The following CD4 variants were observed in gnomAD, a reference collection of about 807,000 sequenced individuals.
CD4 encodes the protein CD4 molecule.
In CD4, 25 loss-of-function variants were observed where a neutral mutation model predicts 50.5. The observed-to-expected ratio is 0.49, with a 90% CI of 0.36 to 0.69. The LOEUF is 0.69. Ranked by LOEUF, CD4 falls within the 30% of genes least tolerant of loss-of-function variation. The pLI, the probability that CD4 is intolerant of heterozygous loss-of-function variation, is 0.00. For missense variants in CD4, 456 were observed against 548.5 expected (o/e 0.83, Z 1.68); for synonymous variants, 207 against 221.9 (o/e 0.93, Z 0.60).
intron 3 of CD4, among the ~76,000 whole-genome samples, chr12:6,809,219 A>T (rs1196556397): frequency 6.6e-6 from 1 of 152,106 alleles, no homozygotes; most frequent in Non-Finnish European, 1.5e-5. Context: ...TGGGCCGGGC[A>T]TGATGTCTGC....
chr12:6,793,696 CTATCTAT>C (rs1565488214), intron 1 of CD4, among the ~76,000 whole-genome samples: 13 of 33,406 alleles, frequency 3.9e-4, no homozygotes, highest in South Asian at 1.5e-3. Context: ...ATCTATCTAT[CTATCTAT>C]CTTTTTTTTT....
intron 3 of CD4, among the ~76,000 whole-genome samples, chr12:6,802,541 C>T (rs2857228): frequency 0.56 from 84,814 of 151,824 alleles, 23,917 homozygotes; most frequent in Middle Eastern, 0.67. Flanking sequence ...TTCCTAGGCT[C>T]AAGTGATCTT....
At chr12:6,807,810 G>C (rs782446714) in intron 3 of CD4, among the ~76,000 whole-genome samples, 1 of 152,258 alleles carries the variant, frequency 6.6e-6, no homozygotes, top group African/African-American at 2.4e-5. Context: ...GCTAGGCGTG[G>C]TGGCTCACAT....
rs199874497 is a variant in CD4, at chr12:6,817,113, C to T, written c.956-17C>T. On this transcript the variant is annotated splice_polypyrimidine_tract_variant and intron_variant, in intron 6 of 9. Transcript: ENST00000011653. The stretch of plus-strand genomic sequence containing the variant: ...TGAATCTCAGGCCTTTGATCTCAGC[C>T]TCTCGTTCCTCTGCAGCCACTCAGC... The T allele has an allele frequency of 1.8e-4, 283 of 1,609,348 alleles. 2 individuals carry two copies. The Middle Eastern group carries it at 4.8e-3, about 27-fold the overall frequency.
At chr12:6,801,431 C>T (rs1171002562) in intron 3 of CD4, among the ~76,000 whole-genome samples, 5 of 146,872 alleles carry the variant, frequency 3.4e-5, no homozygotes, top group African/African-American at 1.2e-4. Flanking sequence ...GCAGGAGACT[C>T]GCTTGAACCT....
At chr12:6,802,307 T>C (rs1942588586) in intron 3 of CD4, among the ~76,000 whole-genome samples, 1 of 151,910 alleles carries the variant, frequency 6.6e-6, no homozygotes, top group Non-Finnish European at 1.5e-5. Context: ...TTTTGATTGA[T>C]TTTCTTCCAA....
intron 3 of CD4, among the ~76,000 whole-genome samples, chr12:6,810,119 C>T (rs1055566054): frequency 6.6e-6 from 1 of 151,958 alleles, no homozygotes; most frequent in Non-Finnish European, 1.5e-5. Context: ...TGAACTCCTG[C>T]CCTCAGGTGA....
Position 6,814,313 on chromosome 12 carries a change from G to C in CD4, c.373+13G>C. ...CTAGTGTTCGGATGTGAGTGGGGCA[G>C]GTGGGGATGAGGATACCTCCTGCCT... is the stretch of plus-strand genomic sequence containing the variant. On this transcript the variant is annotated intron_variant, in intron 4 of 9. Transcript: ENST00000011653. 1 of 1,611,742 alleles carries C rather than the reference G, an allele frequency of 6.2e-7. No individual in the cohort carries two copies. Among genetic ancestry groups the C allele is most frequent in the African/African-American group, 1.3e-5 (1 of 75,012 alleles).
intron 4 of CD4, 35 bp downstream of exon 4, chr12:6,814,335 G>T: frequency 6.3e-7 from 1 of 1,596,144 alleles, no homozygotes; most frequent in Non-Finnish European, 8.5e-7. Flanking sequence ...GATACCTCCT[G>T]CCTGGTTCCC....
chr12:6,817,789 C>T (rs797023573), intron 7 of CD4, among the ~76,000 whole-genome samples: 4 of 147,886 alleles, frequency 2.7e-5, no homozygotes, highest in African/African-American at 9.9e-5. Context: ...CTCACACCCA[C>T]ACTCTCACCC....
rs1486616738 is a variant in CD4, at chr12:6,816,789, C to A, written c.956-341C>A. On this transcript the variant is annotated intron_variant, in intron 6 of 9. Coordinates refer to ENST00000011653, the MANE Select transcript of CD4 (RefSeq NM_000616.5). This position sits in a 1 kb window ranked among gnomAD's most constrained non-coding sequence, Gnocchi z 4.9. Reference sequence around the variant, plus strand: ...GTCAAGCTCCAAATTGAGTTTCTGGCTTCCTTATCTCCTTATCATCATAAC... The same window carrying A: ...GTCAAGCTCCAAATTGAGTTTCTGGATTCCTTATCTCCTTATCATCATAAC... 6.6e-6 allele frequency among the ~76,000 whole-genome samples: 1 copy of A among 152,180 alleles called. No individual in the cohort carries two copies. The highest frequency in any genetic ancestry group is 1.5e-5 in the Non-Finnish European group (1 of 68,024).
chr12:6,813,660 C>G (rs1943003433), intron 3 of CD4: 1 of 153,332 alleles, frequency 6.5e-6, no homozygotes, highest in Admixed American at 6.5e-5. Context: ...TTTGTATATA[C>G]ATTTGTAATT....
chr12:6,791,138 C>G (rs887833048), intron 1 of CD4, among the ~76,000 whole-genome samples: 3 of 152,248 alleles, frequency 2.0e-5, no homozygotes, highest in Non-Finnish European at 4.4e-5. Flanking sequence ...CCTCCCACCA[C>G]TGGTGCTAGA....
chr12:6,816,347 C>T lies in CD4; in HGVS notation c.899C>T (p.Ala300Val). Residue 300 changes from alanine (A) to valine (V), a missense_variant, in exon 6 of 10, where the codon GCC becomes GTC. Coordinates refer to ENST00000011653, the MANE Select transcript of CD4 (RefSeq NM_000616.5). The surrounding 1 kb of genome is among the most constrained non-coding windows in gnomAD (Gnocchi z 4.9). The part of the protein sequence containing the change: ...QYAGSGNLTL[A>V]LEAKTGKLHQ... ...GCTGGCTCTGGAAACCTCACCCTGGCCCTTGAAGCGAAAACAGGAAAGTTG... is the reference window on the plus strand; with the variant it reads ...GCTGGCTCTGGAAACCTCACCCTGGTCCTTGAAGCGAAAACAGGAAAGTTG... 6.2e-7 allele frequency: 1 copy of T among 1,614,202 alleles called. No homozygotes were observed. The highest frequency in any genetic ancestry group is 8.5e-7 in the Non-Finnish European group (1 of 1,180,020).
Position 6,814,825 on chromosome 12 carries a change from CT to C in CD4, c.441del (p.Gly148ValfsTer50), listed in dbSNP as rs782241392. 1.2e-6 allele frequency: 2 copies of C among 1,613,604 alleles called. No homozygotes were observed. Among genetic ancestry groups the C allele is most frequent in the Non-Finnish European group, 8.5e-7 (1 of 1,179,758 alleles). On this transcript the variant is annotated frameshift_variant, in exon 5 of 10. Transcript: ENST00000011653. LOFTEE classifies it high-confidence loss of function. ...CTGACCCTGACCTTGGAGAGCCCCC[CT>C]GGTAGTAGCCCCTCAGTGCAATGTA... ...QSLTLTLESPPGSSPSVQCRS... is the reference protein window; with the variant it reads ...QSLTLTLESPXGSSPSVQCRS...
chr12:6,813,993 T>C (rs1007620561), intron 3 of CD4, 149 bp from the exon 4 acceptor site: 38 of 689,794 alleles, frequency 5.5e-5, no homozygotes, highest in Non-Finnish European at 8.8e-5. Flanking sequence ...TGAGACCTCC[T>C]TGCCAGACCG....
intron 1 of CD4, among the ~76,000 whole-genome samples, chr12:6,791,623 G>C (rs903787549): frequency 1.3e-4 from 20 of 152,218 alleles, no homozygotes; most frequent in Non-Finnish European, 4.4e-5. Flanking sequence ...GCCCACACCA[G>C]TAATCCCAGC....
chr12:6,807,385 A>G (rs536750166), intron 3 of CD4, among the ~76,000 whole-genome samples: 23 of 152,340 alleles, frequency 1.5e-4, no homozygotes, highest in South Asian at 6.2e-4. Flanking sequence ...TTTCAGCAAT[A>G]AAAAGGATGA....
chr12:6,797,269 C>T (rs1018443137), intron 1 of CD4, among the ~76,000 whole-genome samples: 3 of 152,018 alleles, frequency 2.0e-5, no homozygotes, highest in Non-Finnish European at 4.4e-5. Context: ...CGCCTGTCTG[C>T]CAAGCGCACA....
Sources: allele counts gnomAD v4.1 joint callset (sites outside exome capture counted in the v4.1 genomes callset), GRCh38; gene constraint gnomAD v4.1.1; non-coding constraint Gnocchi (gnomAD v3.1); transcripts MANE v1.5; gene names NCBI Gene and HGNC (gene_info 2026-07-23, HGNC 2026-07-21).